The following SMARCC2 variants were observed in gnomAD, a reference collection of about 807,000 sequenced individuals.
The protein encoded by SMARCC2 is SWI/SNF related BAF chromatin remodeling complex subunit C2.
A neutral mutation model predicts 151.3 loss-of-function variants in SMARCC2; 15 were observed. The observed-to-expected ratio is 0.10, with a 90% CI of 0.07 to 0.15. SMARCC2 has a LOEUF of 0.15. Ranked by LOEUF, SMARCC2 falls within the 10% of genes least tolerant of loss-of-function variation. The pLI is 1.00. For missense variants in SMARCC2, 1,031 were observed against 1,599.7 expected, an observed-to-expected ratio of 0.64 and a Z score of 6.06; for synonymous variants, 590 against 609.5, an observed-to-expected ratio of 0.97 and a Z score of 0.47.
intron 7 of SMARCC2, 84 bp downstream of exon 7, chr12:56,183,777 G>C: frequency 1.2e-6 from 1 of 834,642 alleles, no homozygotes; most frequent in Non-Finnish European, 2.0e-6. Flanking sequence ...AACTCTGAAA[G>C]AGTGGCCTCT....
intron 17 of SMARCC2, 128 bp downstream of exon 17, chr12:56,173,568 T>C: frequency 1.2e-6 from 1 of 828,170 alleles, no homozygotes; most frequent in South Asian, 1.7e-5. Context: ...CCGTGACCCT[T>C]TGCATCCCAT....
At chr12:56,168,330 T>C in intron 25 of SMARCC2, 136 bp from the exon 26 acceptor site, 1 of 931,718 alleles carries the variant, frequency 1.1e-6, no homozygotes, top group Non-Finnish European at 1.6e-6. Context: ...AGGGCTTGAC[T>C]TTTTTGTGCT....
In SMARCC2 at chr12:56,187,178, T is replaced by C; in HGVS notation, c.231+9A>G. On this transcript the variant is annotated intron_variant, in intron 2 of 28. Transcript: ENST00000550164. ...CACCCCCCACCCTCCCTGCTACTTCTGCACTCACCGGCAGTTTAGTGAGCG... is the reference window on the plus strand; with the variant it reads ...CACCCCCCACCCTCCCTGCTACTTCCGCACTCACCGGCAGTTTAGTGAGCG... 1 of 1,613,088 alleles carries C rather than the reference T, an allele frequency of 6.2e-7. No homozygotes were observed. The highest frequency in any genetic ancestry group is 8.5e-7 in the Non-Finnish European group (1 of 1,179,148).
chr12:56,183,859 A>C lies in SMARCC2; in HGVS notation c.632+2T>G. 6.2e-7 allele frequency: 1 copy of C among 1,611,708 alleles called. No individual in the cohort carries two copies. Among genetic ancestry groups the C allele is most frequent in the Non-Finnish European group, 8.5e-7 (1 of 1,178,316 alleles). On this transcript the variant is annotated splice_donor_variant, in intron 7 of 28. Coordinates refer to ENST00000550164, the MANE Select transcript of SMARCC2 (RefSeq NM_001330288.2). LOFTEE classifies it high-confidence loss of function. ...AAACCTGCCCCAGGAACCCATCCTCACCTGTCAGGATAGTAGCCCCAGTGC... is the reference window on the plus strand; with the variant it reads ...AAACCTGCCCCAGGAACCCATCCTCCCCTGTCAGGATAGTAGCCCCAGTGC...
chr12:56,183,745 A>T, intron 7 of SMARCC2, 116 bp downstream of exon 7: 1 of 664,918 alleles, frequency 1.5e-6, no homozygotes, highest in Non-Finnish European at 2.6e-6. Flanking sequence ...TGAGAGGAAA[A>T]CAAATTAAGT....
Position 56,171,616 on chromosome 12 carries a change from C to A in SMARCC2, c.2185+63G>T. The A allele has an allele frequency of 6.6e-7, 1 of 1,518,184 alleles. No homozygotes were observed. The highest frequency in any genetic ancestry group is 1.3e-5 in the South Asian group (1 of 76,050). The allele number at this position is 1,518,184 out of a possible 1,614,324, so 94.0% of individuals were successfully genotyped here. On this transcript the variant is annotated intron_variant, in intron 21 of 28. Transcript: ENST00000550164. This position sits in a 1 kb window ranked among gnomAD's most constrained non-coding sequence, Gnocchi z 4.2. Reference sequence around the variant, plus strand: ...AGCCAAACTTGAGAGGATTCACAGTCTGAGTAACTAGCCCTTCAAAAGCAA... The same window carrying A: ...AGCCAAACTTGAGAGGATTCACAGTATGAGTAACTAGCCCTTCAAAAGCAA...
chr12:56,180,912 GT>G (rs1876073317), intron 11 of SMARCC2, 64 bp downstream of exon 11: 1 of 1,536,544 alleles, frequency 6.5e-7, no homozygotes, highest in Non-Finnish European at 8.8e-7. Flanking sequence ...CTCACTTGGG[GT>G]TTGGCAAAGG....
intron 17 of SMARCC2, among the ~76,000 whole-genome samples, chr12:56,173,343 T>C (rs1379178387): frequency 6.6e-6 from 1 of 151,980 alleles, no homozygotes; most frequent in Non-Finnish European, 1.5e-5. Flanking sequence ...GAAAAAAAAA[T>C]GAAGATGATA....
rs912194474 is a variant in SMARCC2, at chr12:56,164,413, ATGG to A, written c.3548_3550del (p.Thr1183del). 3.1e-6 allele frequency: 5 copies of A among 1,613,890 alleles called. No homozygotes were observed. In the Admixed American group the frequency reaches 8.3e-5, roughly 27 times the overall value. On this transcript the variant is annotated inframe_deletion, in exon 28 of 29. Transcript: ENST00000550164. ...CGGCCCGAGAGGCAAGGAAGATGGC[ATGG>A]TGGTGGTCGCCGGCAGGTTAGGATG...
rs1877916632 is a variant in SMARCC2 at position 56,189,293 on chromosome 12, G to A, written c.111+58C>T. 1.1e-5 allele frequency: 12 copies of A among 1,128,922 alleles called. No homozygotes were observed. In the Middle Eastern group the frequency reaches 7.2e-4, roughly 68 times the overall value. The allele number at this position is 1,128,922 out of a possible 1,614,324, so 69.9% of individuals were successfully genotyped here. A position where few individuals can be genotyped will look rare whatever the true frequency, so the allele number is the denominator to read the frequency against. On this transcript the variant is annotated intron_variant, in intron 1 of 28. Transcript: ENST00000550164. ...GGTAGGCAGGATCCCGGGGCTGCAG[G>A]GCCGCGGTCCCTTTGTCCCGCCCCC...
chr12:56,171,217 G>A lies in SMARCC2; in HGVS notation c.2347+54C>T. On this transcript the variant is annotated intron_variant, in intron 22 of 28. Coordinates refer to ENST00000550164, the MANE Select transcript of SMARCC2 (RefSeq NM_001330288.2). This position sits in a 1 kb window ranked among gnomAD's most constrained non-coding sequence, Gnocchi z 4.2. ...GAGGCAGAAATGGCACAGGAGGCCA[G>A]GTAGCTCTGGATCTTGTGAAAGGCA... is the stretch of plus-strand genomic sequence containing the variant. The A allele has an allele frequency of 3.2e-6, 5 of 1,582,132 alleles. No homozygotes were observed. The highest frequency in any genetic ancestry group is 3.5e-6 in the Non-Finnish European group (4 of 1,152,920).
At chr12:56,174,827 G>GA (rs1874625036) in intron 15 of SMARCC2, 63 bp from the exon 16 acceptor site, 1 of 1,072,602 alleles carries the variant, frequency 9.3e-7, no homozygotes, top group Non-Finnish European at 1.4e-6. Context: ...AGGGCTAAAG[G>GA]AAAAAATGGT....
At chr12:56,181,969 C>CT in intron 8 of SMARCC2, 35 bp downstream of exon 8, 1 of 1,593,594 alleles carries the variant, frequency 6.3e-7, no homozygotes, top group Non-Finnish European at 8.6e-7. Context: ...TCCTGGCATT[C>CT]TTTTTGGGGA....
chr12:56,177,257 T>C (rs1201622426), intron 15 of SMARCC2, among the ~76,000 whole-genome samples: 1 of 152,214 alleles, frequency 6.6e-6, no homozygotes, highest in East Asian at 1.9e-4. Flanking sequence ...TTCATTAATT[T>C]TTTTAGATAC....
At chr12:56,163,963 T>C (rs188371749) in intron 28 of SMARCC2, among the ~76,000 whole-genome samples, 198 bp from the exon 29 acceptor site, 77 of 152,278 alleles carry the variant, frequency 5.1e-4, no homozygotes, top group African/African-American at 1.8e-3. Flanking sequence ...ACTCTCTATA[T>C]GGGGCATTTG....
chr12:56,176,525 T>A (rs903363375), intron 15 of SMARCC2, among the ~76,000 whole-genome samples: 16 of 152,202 alleles, frequency 1.1e-4, no homozygotes, highest in African/African-American at 3.6e-4. Context: ...TCGCCCAGGC[T>A]GGAGTGCAGT....
chr12:56,173,124 G>C, intron 17 of SMARCC2, 95 bp from the exon 18 acceptor site: 1 of 995,584 alleles, frequency 1.0e-6, no homozygotes, highest in South Asian at 1.3e-5. Flanking sequence ...CGGCCCACAA[G>C]CTCTGGGGGC....
At chr12:56,174,549 G>T (rs1874566556) in intron 16 of SMARCC2, 102 bp downstream of exon 16, 1 of 745,874 alleles carries the variant, frequency 1.3e-6, no homozygotes, top group Non-Finnish European at 2.4e-6. Flanking sequence ...GCTTTTTTCT[G>T]TCTGCTCCTC....
intron 11 of SMARCC2, among the ~76,000 whole-genome samples, chr12:56,179,777 C>T (rs998501131): frequency 6.6e-6 from 1 of 152,124 alleles, no homozygotes; most frequent in African/African-American, 2.4e-5. Flanking sequence ...ACCTCCACCT[C>T]CCAGATTCAA....
Sources: gnomAD v4.1 joint callset for allele counts (sites outside exome capture counted in the v4.1 genomes callset) on GRCh38, gnomAD v4.1.1 for gene constraint, Gnocchi (gnomAD v3.1) non-coding constraint, MANE v1.5 for transcripts, NCBI Gene and HGNC (gene_info 2026-07-23, HGNC 2026-07-21) for gene names.